The following ROBO2 variants were observed in gnomAD, a reference collection of about 807,000 sequenced individuals.
The protein encoded by ROBO2 is roundabout homolog 2.
ROBO2 carries 53 observed loss-of-function variants against 160.8 expected under a neutral mutation model. That is an observed-to-expected ratio of 0.33 (90% CI 0.26 to 0.41). The LOEUF (loss-of-function observed/expected upper bound fraction) is 0.41. Ranked by LOEUF, ROBO2 falls within the 10% of genes least tolerant of loss-of-function variation. ROBO2 has a pLI of 1.00. For missense variants in ROBO2, 1,577 were observed against 1,722.4 expected, an observed-to-expected ratio of 0.92 and a Z score of 1.49; for synonymous variants, 664 against 611.7, an observed-to-expected ratio of 1.09 and a Z score of -1.26.
chr3:77,367,661 T>G (rs886067630), intron 2 of ROBO2, among the ~76,000 whole-genome samples: 2 of 152,132 alleles, frequency 1.3e-5, no homozygotes, highest in Admixed American at 6.5e-5. Flanking sequence ...TTTTCCGTGG[T>G]TCTGTGGGAC....
chr3:76,216,486 C>G (rs180750388), intron 2 of ROBO2, among the ~76,000 whole-genome samples: 1 of 151,998 alleles, frequency 6.6e-6, no homozygotes, highest in Non-Finnish European at 1.5e-5. Context: ...AAATGGAAAA[C>G]AGAAAAAGAC....
chr3:76,613,854 A>G (rs1268497970), intron 2 of ROBO2, among the ~76,000 whole-genome samples: 1 of 152,130 alleles, frequency 6.6e-6, no homozygotes, highest in East Asian at 1.9e-4. Flanking sequence ...ACTTGGATTC[A>G]TGTCTGAACT....
intron 2 of ROBO2, among the ~76,000 whole-genome samples, chr3:76,962,797 C>A (rs2079771850): frequency 6.6e-6 from 1 of 152,100 alleles, no homozygotes; most frequent in African/African-American, 2.4e-5. Flanking sequence ...CAGAGCAAGA[C>A]CTTGTCTAAA....
chr3:77,574,422 A>G (rs2093711115), intron 13 of ROBO2, 77 bp from the exon 15 acceptor site: 1 of 1,265,496 alleles, frequency 7.9e-7, no homozygotes. Flanking sequence ...AATGGGACAA[A>G]TGAAAAGAGG....
At chr3:77,586,894 G>A (rs1204174927) in intron 16 of ROBO2, among the ~76,000 whole-genome samples, 3 of 150,048 alleles carry the variant, frequency 2.0e-5, no homozygotes, top group African/African-American at 7.3e-5. Flanking sequence ...ATTAAAGGCA[G>A]ACATAGTGGG....
intron 2 of ROBO2, among the ~76,000 whole-genome samples, chr3:77,156,451 G>T (rs1352988583): frequency 6.6e-6 from 1 of 151,968 alleles, no homozygotes; most frequent in African/African-American, 2.4e-5. Flanking sequence ...ATGTGCTATT[G>T]TACCTATGAC....
intron 1 of ROBO2, among the ~76,000 whole-genome samples, chr3:77,053,659 C>A (rs2065434430): frequency 6.6e-6 from 1 of 152,006 alleles, no homozygotes. Context: ...ATTGGAATAC[C>A]ATCAGAACCT....
intron 2 of ROBO2, among the ~76,000 whole-genome samples, chr3:76,864,197 G>A (rs1252970558): frequency 6.6e-6 from 1 of 152,012 alleles, no homozygotes; most frequent in African/African-American, 2.4e-5. Flanking sequence ...CTCACAGTAT[G>A]TTTTTATTTG....
chr3:76,661,822 T>C (rs1032585943), intron 2 of ROBO2, among the ~76,000 whole-genome samples: 2 of 152,162 alleles, frequency 1.3e-5, no homozygotes, highest in Non-Finnish European at 2.9e-5. Context: ...AAAGACCTAA[T>C]AAGGGAAGGA....
chr3:77,311,952 G>A (rs976102631), intron 2 of ROBO2, among the ~76,000 whole-genome samples: 2 of 152,054 alleles, frequency 1.3e-5, no homozygotes, highest in African/African-American at 4.8e-5. Flanking sequence ...TGGATGTGAC[G>A]GTGCATACCT....
intron 5 of ROBO2, among the ~76,000 whole-genome samples, chr3:77,494,141 T>C (rs539480185): frequency 3.5e-4 from 53 of 152,344 alleles, no homozygotes; most frequent in South Asian, 1.9e-3. Flanking sequence ...GTTGTTGTTT[T>C]AACACAAGTA....
intron 2 of ROBO2, among the ~76,000 whole-genome samples, chr3:76,620,306 T>G (rs2109238274): frequency 6.6e-6 from 1 of 152,296 alleles, no homozygotes; most frequent in African/African-American, 2.4e-5. Context: ...AAGGAAAAGC[T>G]ACAAATTTTA....
intron 3 of ROBO2, 104 bp downstream of exon 3, chr3:77,477,675 A>C (rs1373458393): frequency 3.4e-6 from 4 of 1,183,234 alleles, no homozygotes; most frequent in Non-Finnish European, 4.9e-6. Context: ...ATTGTATTTG[A>C]ATGTTAATTA....
intron 2 of ROBO2, among the ~76,000 whole-genome samples, chr3:76,048,975 C>T (rs1245195532): frequency 6.6e-6 from 1 of 152,080 alleles, no homozygotes; most frequent in East Asian, 1.9e-4. Context: ...TCAAAGCATG[C>T]AACGCTAAAC....
At chr3:76,550,870 C>T (rs2083372817) in intron 2 of ROBO2, among the ~76,000 whole-genome samples, 1 of 152,160 alleles carries the variant, frequency 6.6e-6, no homozygotes, top group African/African-American at 2.4e-5. Flanking sequence ...GGAGGGATCC[C>T]TGGGGGAGCT....
At chr3:77,299,511 G>A (rs11127583) in intron 2 of ROBO2, among the ~76,000 whole-genome samples, 54,990 of 151,928 alleles carry the variant, frequency 0.36, 10,290 homozygotes, top group Middle Eastern at 0.5. Flanking sequence ...CCTTCTTCAC[G>A]TGGCAGCAGG....
intron 2 of ROBO2, among the ~76,000 whole-genome samples, chr3:77,438,884 T>C (rs562829758): frequency 1.9e-4 from 29 of 152,180 alleles, no homozygotes; most frequent in Admixed American, 5.9e-4. Flanking sequence ...ATAACTCATA[T>C]TGGCTTTGTA....
intron 2 of ROBO2, among the ~76,000 whole-genome samples, chr3:76,600,311 T>C (rs1468269537): frequency 6.6e-6 from 1 of 152,222 alleles, no homozygotes; most frequent in Non-Finnish European, 1.5e-5. Context: ...CTCTCCCCAG[T>C]GTTTGAATAA....
chr3:76,468,802 C>T (rs570375193), intron 2 of ROBO2, among the ~76,000 whole-genome samples: 27 of 152,130 alleles, frequency 1.8e-4, no homozygotes, highest in South Asian at 1.0e-3. Flanking sequence ...GGATTTCCTG[C>T]AAATAACTCA....
Sources: allele counts gnomAD v4.1 joint callset (sites outside exome capture counted in the v4.1 genomes callset), GRCh38; gene constraint gnomAD v4.1.1; transcripts MANE v1.5; gene names NCBI Gene and HGNC (gene_info 2026-07-23, HGNC 2026-07-21).